CBLB: variants seen among roughly 807,000 people sequenced by gnomAD.
CBLB encodes E3 ubiquitin-protein ligase CBL-B.
Under a neutral mutation model 104.9 loss-of-function variants are expected in CBLB, and 31 were observed. The observed-to-expected ratio is 0.30, with a 90% CI of 0.22 to 0.40. The LOEUF is 0.40. Ranked by LOEUF, CBLB falls within the 10% of genes least tolerant of loss-of-function variation. The pLI is 1.00. For missense variants in CBLB, 1,062 were observed against 1,214.6 expected (o/e 0.87, Z 1.87); for synonymous variants, 440 against 422.6 (o/e 1.04, Z -0.51).
At chr3:105,682,075 A>G in intron 14 of CBLB, 1 of 462,774 alleles carries the variant, frequency 2.2e-6, no homozygotes, top group Non-Finnish European at 3.9e-6. Flanking sequence ...AATTGTTGAT[A>G]TCCTAAACAC....
At chr3:105,834,088 G>C (rs1033662924) in intron 3 of CBLB, among the ~76,000 whole-genome samples, 3 of 151,800 alleles carry the variant, frequency 2.0e-5, no homozygotes, top group African/African-American at 7.3e-5. Flanking sequence ...TTCCTGGGGT[G>C]GGGGTGGGCA....
chr3:105,679,699 C>A (rs1174529572), intron 16 of CBLB, among the ~76,000 whole-genome samples: 3 of 152,022 alleles, frequency 2.0e-5, no homozygotes. Flanking sequence ...TCGCTTGAAC[C>A]CAGGAGGCGG....
intron 4 of CBLB, among the ~76,000 whole-genome samples, chr3:105,758,640 T>C (rs1299482355): frequency 1.3e-5 from 2 of 152,178 alleles, no homozygotes; most frequent in Non-Finnish European, 2.9e-5. Flanking sequence ...CATGAACAAG[T>C]GAGCATGGAG....
chr3:105,730,589 T>C (rs73197899), intron 9 of CBLB, among the ~76,000 whole-genome samples: 6,260 of 152,096 alleles, frequency 0.041, 182 homozygotes, highest in Middle Eastern at 0.065. Flanking sequence ...AATACATAAA[T>C]ATGGAAATAT....
At chr3:105,854,047 T>G (rs1156761682) in intron 2 of CBLB, among the ~76,000 whole-genome samples, 1 of 152,198 alleles carries the variant, frequency 6.6e-6, no homozygotes, top group Non-Finnish European at 1.5e-5. Flanking sequence ...TATATGTTAT[T>G]TTACTACACT....
intron 13 of CBLB, among the ~76,000 whole-genome samples, chr3:105,688,830 TGTGTG>T (rs2067317904): frequency 6.6e-6 from 1 of 152,118 alleles, no homozygotes; most frequent in Non-Finnish European, 1.5e-5. Flanking sequence ...AAAAAAAGTC[TGTGTG>T]GTATACTATC....
chr3:105,759,513 G>A (rs1015233324), intron 4 of CBLB, among the ~76,000 whole-genome samples: 14 of 152,178 alleles, frequency 9.2e-5, no homozygotes, highest in African/African-American at 2.9e-4. Context: ...AGGCCCATGC[G>A]GAGCTACCCT....
intron 3 of CBLB, among the ~76,000 whole-genome samples, chr3:105,850,545 A>G (rs749526791): frequency 6.6e-6 from 1 of 152,172 alleles, no homozygotes; most frequent in Non-Finnish European, 1.5e-5. Flanking sequence ...AACTATCACT[A>G]TCATGAATAT....
At chr3:105,862,567 T>C (rs1324533612) in intron 2 of CBLB, among the ~76,000 whole-genome samples, 1 of 152,216 alleles carries the variant, frequency 6.6e-6, no homozygotes, top group Non-Finnish European at 1.5e-5. Context: ...CCAGACTGTT[T>C]TAATTCCTCT....
intron 9 of CBLB, among the ~76,000 whole-genome samples, chr3:105,729,150 C>T (rs370286632): frequency 1.2e-3 from 186 of 152,068 alleles, no homozygotes; most frequent in African/African-American, 4.2e-3. Flanking sequence ...GCCCAACCAA[C>T]GTAGTAGAAA....
intron 3 of CBLB, 85 bp downstream of exon 3, chr3:105,853,329 T>C (rs1234648151): frequency 9.3e-6 from 13 of 1,393,536 alleles, no homozygotes; most frequent in Non-Finnish European, 1.3e-5. Context: ...CCCAAAACAA[T>C]TACATGGTGA....
chr3:105,784,259 C>A (rs1265164709), intron 3 of CBLB, among the ~76,000 whole-genome samples: 1 of 152,060 alleles, frequency 6.6e-6, no homozygotes, highest in Admixed American at 6.6e-5. Context: ...AAAAATAATC[C>A]ATTCTTTCAT....
intron 4 of CBLB, among the ~76,000 whole-genome samples, chr3:105,766,653 A>C (rs1020380480): frequency 7.0e-6 from 1 of 141,926 alleles, no homozygotes; most frequent in South Asian, 2.2e-4. Flanking sequence ...GTTAAGGTAC[A>C]TATATTTTTT....
intron 3 of CBLB, among the ~76,000 whole-genome samples, chr3:105,777,496 C>T (rs968961006): frequency 4.6e-5 from 7 of 152,236 alleles, no homozygotes; most frequent in East Asian, 1.9e-4. Context: ...GGCGTGGGAG[C>T]GCATGCCTAT....
Position 105,693,461 on chromosome 3 carries a change from A to G in CBLB, c.2054+33T>C, listed in dbSNP as rs1440417160. On this transcript the variant is annotated intron_variant, in intron 13 of 18. Transcript: ENST00000394030. ...ACCACTCTACCATATCTTGATGCAT[A>G]GACAAGTGATCTCCAAATTCAACAA... 4.3e-6 allele frequency: 6 copies of G among 1,407,056 alleles called. No homozygotes were observed. In the South Asian group the frequency reaches 6.9e-5, roughly 16 times the overall value. 87.2% of individuals were successfully genotyped at this position (1,407,056 alleles called of 1,614,324 possible).
At position 105,853,796 on chromosome 3, in the gene CBLB, TTTA is replaced by T. The variant is rs1421978006; in HGVS notation, c.169-135_169-133del. On this transcript the variant is annotated intron_variant, in intron 2 of 18. Coordinates refer to ENST00000394030, the MANE Select transcript of CBLB (RefSeq NM_170662.5). ...AATGATCTTAACTTACTATCTCCAA[TTTA>T]TTAACTGATAGTCACGTTTGTCATA... is the stretch of plus-strand genomic sequence containing the variant. The T allele has an allele frequency of 1.1e-5, 7 of 643,058 alleles. No homozygotes were observed. In the African/African-American group the frequency reaches 1.3e-4, roughly 12 times the overall value. The allele number at this position is 643,058 out of a possible 1,614,324, so 39.8% of individuals were successfully genotyped here.
At chr3:105,849,433 C>T (rs190673936) in intron 3 of CBLB, among the ~76,000 whole-genome samples, 3 of 151,962 alleles carry the variant, frequency 2.0e-5, no homozygotes, top group Non-Finnish European at 4.4e-5. Flanking sequence ...CACTTGGACA[C>T]TTAAAATGCA....
At chr3:105,780,665 T>TTTTTG (rs1560209361) in intron 3 of CBLB, among the ~76,000 whole-genome samples, 2 of 123,606 alleles carry the variant, frequency 1.6e-5, no homozygotes, top group Admixed American at 8.5e-5. Context: ...TTTTTGTTTT[T>TTTTTG]TTTTTTTTTT....
chr3:105,798,235 A>G (rs908783288), intron 3 of CBLB, among the ~76,000 whole-genome samples: 1 of 152,244 alleles, frequency 6.6e-6, no homozygotes, highest in Non-Finnish European at 1.5e-5. Context: ...GTTTTAAAAA[A>G]CAGGTATCTC....
Sources: gnomAD v4.1 joint callset for allele counts (sites outside exome capture counted in the v4.1 genomes callset) on GRCh38, gnomAD v4.1.1 for gene constraint, MANE v1.5 for transcripts, NCBI Gene and HGNC (gene_info 2026-07-23, HGNC 2026-07-21) for gene names.